SRGAP1: variants seen among roughly 807,000 people sequenced by gnomAD.
The protein encoded by SRGAP1 is SLIT-ROBO Rho GTPase-activating protein 1.
SRGAP1 carries 43 observed loss-of-function variants against 121.9 expected under a neutral mutation model. The observed-to-expected ratio is 0.35, with a 90% CI of 0.28 to 0.46. The LOEUF (loss-of-function observed/expected upper bound fraction) is 0.46, where lower values mean the gene tolerates loss of function less well. SRGAP1 is among the 20% of genes least tolerant of loss of function. The pLI is 1.00. For synonymous variants in SRGAP1, 447 were observed against 485.4 expected, an observed-to-expected ratio of 0.92 and a Z score of 1.04; for missense variants, 1,102 against 1,350.9, an observed-to-expected ratio of 0.82 and a Z score of 2.89.
At chr12:63,933,531 C>G (rs561469615) in intron 1 of SRGAP1, among the ~76,000 whole-genome samples, 2 of 152,118 alleles carry the variant, frequency 1.3e-5, no homozygotes, top group South Asian at 4.1e-4. Flanking sequence ...AAAACCTACA[C>G]ACAAACACAA....
At chr12:64,041,035 G>C (rs946503757) in intron 4 of SRGAP1, among the ~76,000 whole-genome samples, 3 of 151,956 alleles carry the variant, frequency 2.0e-5, no homozygotes, top group Admixed American at 2.0e-4. Flanking sequence ...AAATTGTTAT[G>C]TTCTATATAT....
intron 4 of SRGAP1, among the ~76,000 whole-genome samples, chr12:64,035,106 G>A (rs1031235907): frequency 7.3e-6 from 1 of 136,144 alleles, no homozygotes; most frequent in Non-Finnish European, 1.6e-5. Flanking sequence ...GCCTTAAGTG[G>A]GAGGTGGGGG....
At chr12:64,004,894 C>T (rs1565633596) in intron 3 of SRGAP1, among the ~76,000 whole-genome samples, 3 of 152,158 alleles carry the variant, frequency 2.0e-5, no homozygotes, top group Non-Finnish European at 1.5e-5. Flanking sequence ...TTTCATACCA[C>T]ATGATAGGGA....
intron 3 of SRGAP1, among the ~76,000 whole-genome samples, chr12:63,995,813 G>A (rs2033681415): frequency 6.6e-6 from 1 of 151,722 alleles, no homozygotes; most frequent in Non-Finnish European, 1.5e-5. Flanking sequence ...TTACTAGTAA[G>A]ATTCATACTT....
chr12:64,032,932 T>G (rs1447146284), intron 4 of SRGAP1, among the ~76,000 whole-genome samples: 4 of 152,176 alleles, frequency 2.6e-5, no homozygotes, highest in Admixed American at 6.5e-5. Flanking sequence ...ACAAAGTATG[T>G]GTAGAGGGAA....
intron 4 of SRGAP1, among the ~76,000 whole-genome samples, chr12:64,041,658 G>A (rs2035027675): frequency 6.6e-6 from 1 of 151,706 alleles, no homozygotes; most frequent in African/African-American, 2.4e-5. Flanking sequence ...AATGTGCTGG[G>A]ATTACAAGCG....
At chr12:63,871,480 G>A (rs1201220583) in intron 1 of SRGAP1, among the ~76,000 whole-genome samples, 3 of 152,144 alleles carry the variant, frequency 2.0e-5, no homozygotes, top group Admixed American at 6.6e-5. Flanking sequence ...GTAACCCTCC[G>A]TAGGGCTTCG....
intron 3 of SRGAP1, among the ~76,000 whole-genome samples, chr12:63,993,138 G>A (rs2033600918): frequency 6.6e-6 from 1 of 152,066 alleles, no homozygotes; most frequent in South Asian, 2.1e-4. Flanking sequence ...AGAATAGGAA[G>A]CCAGAATCTA....
At chr12:63,846,067 C>A (rs892877974) in intron 1 of SRGAP1, among the ~76,000 whole-genome samples, 3 of 152,118 alleles carry the variant, frequency 2.0e-5, no homozygotes, top group Non-Finnish European at 4.4e-5. Context: ...GTGGACACTG[C>A]AGACACAATA....
At chr12:63,870,015 A>T (rs900996185) in intron 1 of SRGAP1, among the ~76,000 whole-genome samples, 3 of 152,196 alleles carry the variant, frequency 2.0e-5, no homozygotes, top group African/African-American at 4.8e-5. Context: ...CTGTGCTGGA[A>T]CCATCCTGCA....
intron 4 of SRGAP1, among the ~76,000 whole-genome samples, chr12:64,026,865 C>CAA (rs35172854): frequency 3.8e-4 from 51 of 134,228 alleles, no homozygotes; most frequent in South Asian, 4.8e-4. Flanking sequence ...GACTCCATCT[C>CAA]AAAAAAAAAA....
intron 11 of SRGAP1, 111 bp downstream of exon 11, chr12:64,087,137 G>C: frequency 1.3e-6 from 1 of 793,782 alleles, no homozygotes; most frequent in Non-Finnish European, 1.9e-6. Flanking sequence ...ACGGGAGATA[G>C]TTTTGGCTTG....
At chr12:63,873,844 G>A (rs554817192) in intron 1 of SRGAP1, among the ~76,000 whole-genome samples, 4 of 151,402 alleles carry the variant, frequency 2.6e-5, no homozygotes, top group African/African-American at 9.7e-5. Context: ...ACCTGGTAAC[G>A]TGACGAAACT....
intron 1 of SRGAP1, chr12:63,878,937 C>A (rs1366092491): frequency 6.6e-6 from 1 of 152,170 alleles, no homozygotes; most frequent in African/African-American, 2.4e-5. Flanking sequence ...AACAGTAGTT[C>A]TTTCAATCTT....
intron 1 of SRGAP1, among the ~76,000 whole-genome samples, chr12:63,952,556 T>C (rs1221470098): frequency 6.6e-6 from 1 of 151,884 alleles, no homozygotes; most frequent in African/African-American, 2.4e-5. Context: ...AAAGAAAAAA[T>C]CCACACCAAT....
intron 1 of SRGAP1, among the ~76,000 whole-genome samples, chr12:63,970,926 A>G (rs2032929007): frequency 6.6e-6 from 1 of 152,220 alleles, no homozygotes; most frequent in African/African-American, 2.4e-5. Context: ...ATGAACAAAG[A>G]GCTGAATCAA....
intron 4 of SRGAP1, among the ~76,000 whole-genome samples, chr12:64,018,333 C>T (rs560951453): frequency 6.6e-6 from 1 of 152,116 alleles, no homozygotes; most frequent in Non-Finnish European, 1.5e-5. Context: ...TCATGTGATC[C>T]GCCCATCTCA....
At chr12:63,951,642 A>G (rs975731007) in intron 1 of SRGAP1, among the ~76,000 whole-genome samples, 17 of 152,210 alleles carry the variant, frequency 1.1e-4, no homozygotes, top group African/African-American at 4.1e-4. Context: ...CAAGAAACAG[A>G]TTAAACTTAA....
At chr12:64,000,433 A>G (rs887464624) in intron 3 of SRGAP1, among the ~76,000 whole-genome samples, 5 of 152,052 alleles carry the variant, frequency 3.3e-5, no homozygotes, top group African/African-American at 1.2e-4. Context: ...ACATAGCAAG[A>G]CATGATTTCT....
Sources: gnomAD v4.1 joint callset for allele counts (sites outside exome capture counted in the v4.1 genomes callset) on GRCh38, gnomAD v4.1.1 for gene constraint, MANE v1.5 for transcripts, NCBI Gene and HGNC (gene_info 2026-07-23, HGNC 2026-07-21) for gene names.